RC3H1: variants seen among roughly 807,000 people sequenced by gnomAD.
RC3H1 encodes the protein ring finger and CCCH-type domains 1, also known as roquin-1.
In RC3H1, 50 loss-of-function variants were observed where a neutral mutation model predicts 138.2. The ratio of observed to expected loss-of-function variants is 0.36; its 90% CI spans 0.29 to 0.46. The LOEUF (loss-of-function observed/expected upper bound fraction) is 0.46. RC3H1 is among the 20% of genes least tolerant of loss of function. The pLI is 1.00. For synonymous variants in RC3H1, 462 were observed against 489.1 expected (o/e 0.94, Z 0.73); for missense variants, 1,031 against 1,388.1 (o/e 0.74, Z 4.09).
intron 1 of RC3H1, among the ~76,000 whole-genome samples, chr1:173,995,960 T>C (rs1391817715): frequency 1.3e-5 from 2 of 152,144 alleles, no homozygotes; most frequent in Non-Finnish European, 2.9e-5. Flanking sequence ...ATCGATGCAA[T>C]TGAAAAAATT....
chr1:173,950,420 CAAAAAAAA>C (rs60259705), intron 14 of RC3H1, among the ~76,000 whole-genome samples: 58 of 63,660 alleles, frequency 9.1e-4, no homozygotes, highest in African/African-American at 3.7e-3. Context: ...TCATCTCTAC[CAAAAAAAA>C]AAAAAAAAAA....
In RC3H1 at chr1:173,961,811, G is replaced by C. The variant is rs143152120; in HGVS notation, c.2116C>G (p.Pro706Ala). Residue 706 changes from proline to alanine, a missense_variant, in exon 12 of 20, where the codon CCA becomes GCA. Physicochemically the swap from Pro to Ala is conservative, Grantham distance 27 (BLOSUM62 -1). Around this residue, in one of 7 missense-constraint regions of RC3H1, gnomAD observed 716 missense variants for 837.9 expected, o/e 0.85. Coordinates refer to ENST00000367696, the MANE Select transcript of RC3H1 (RefSeq NM_172071.4). ...TGTTGGTATCTTTCTCTGGATTCTGGTACATACGATGGTACTGCTGCAGGT... is the reference window on the plus strand; with the variant it reads ...TGTTGGTATCTTTCTCTGGATTCTGCTACATACGATGGTACTGCTGCAGGT... ...IPPAAVPSYVPESRERYQQIE... is the reference protein window; with the variant it reads ...IPPAAVPSYVAESRERYQQIE... 2 of 1,613,752 alleles carry C rather than the reference G, an allele frequency of 1.2e-6. No homozygotes were observed. The highest frequency in any genetic ancestry group is 3.3e-5 in the Admixed American group (2 of 60,014).
intron 1 of RC3H1, among the ~76,000 whole-genome samples, chr1:174,009,584 A>G (rs765861663): frequency 1.3e-5 from 2 of 152,196 alleles, no homozygotes; most frequent in Non-Finnish European, 2.9e-5. Context: ...CATGTCTGTA[A>G]TCCCGGCATT....
intron 18 of RC3H1, among the ~76,000 whole-genome samples, chr1:173,942,146 G>C (rs1247915187): frequency 6.6e-6 from 1 of 151,352 alleles, no homozygotes; most frequent in African/African-American, 2.4e-5. Flanking sequence ...GGAGGCTGAG[G>C]CAGAAGAATC....
At chr1:174,013,122 A>T (rs1661797683) in intron 1 of RC3H1, among the ~76,000 whole-genome samples, 1 of 152,154 alleles carries the variant, frequency 6.6e-6, no homozygotes. Context: ...ACATTTGAAA[A>T]TAATGGTTCT....
At chr1:173,989,875 C>T (rs374254336) in intron 2 of RC3H1, among the ~76,000 whole-genome samples, 8 of 149,896 alleles carry the variant, frequency 5.3e-5, no homozygotes, top group Admixed American at 2.0e-4. Context: ...TACAGGCGCC[C>T]GCCACCGCGC....
intron 1 of RC3H1, 127 bp downstream of exon 1, chr1:174,021,969 C>T: frequency 2.6e-6 from 1 of 377,740 alleles, no homozygotes; most frequent in Non-Finnish European, 4.7e-6. Context: ...GCCGGGCTGC[C>T]GCTGCCGCGG....
At position 173,970,355 on chromosome 1, in the gene RC3H1, G is replaced by A. The variant is rs1031894351; in HGVS notation, c.1334+150C>T. The A allele has an allele frequency of 2.1e-5, 12 of 562,528 alleles. No individual in the cohort carries two copies. In the Admixed American group the frequency reaches 4.4e-4, roughly 21 times the overall value. The allele number at this position is 562,528 out of a possible 1,614,324, so 34.8% of individuals were successfully genotyped here. A position where few individuals can be genotyped will look rare whatever the true frequency, so the allele number is the denominator to read the frequency against. Reference sequence around the variant, plus strand: ...CATTTTTGGATTTTGAAGCATTTCAGATTTTCAGAATAGGAATGTTCAAGC... The same window carrying A: ...CATTTTTGGATTTTGAAGCATTTCAAATTTTCAGAATAGGAATGTTCAAGC... On this transcript the variant is annotated intron_variant, in intron 9 of 19. Coordinates refer to ENST00000367696, the MANE Select transcript of RC3H1 (RefSeq NM_172071.4).
intron 1 of RC3H1, chr1:174,015,841 C>T (rs1168482961): frequency 1.3e-5 from 2 of 152,020 alleles, no homozygotes; most frequent in Non-Finnish European, 2.9e-5. Flanking sequence ...ATGGATATAG[C>T]TCTAAACATC....
chr1:173,955,252 C>T (rs1659585115), intron 13 of RC3H1, among the ~76,000 whole-genome samples: 1 of 130,378 alleles, frequency 7.7e-6, no homozygotes, highest in African/African-American at 4.0e-5. Flanking sequence ...AAAGAGAAAC[C>T]ACAATCTTCA....
At chr1:173,986,584 A>C (rs1661042538) in intron 2 of RC3H1, among the ~76,000 whole-genome samples, 2 of 151,674 alleles carry the variant, frequency 1.3e-5, no homozygotes, top group South Asian at 4.2e-4. Flanking sequence ...CAAAGTTGAG[A>C]CAAAGTCTCA....
chr1:173,962,724 T>C (rs1659935793), intron 11 of RC3H1, among the ~76,000 whole-genome samples: 1 of 152,212 alleles, frequency 6.6e-6, no homozygotes. Context: ...TCCACCAATA[T>C]GGCAGGCACC....
chr1:173,999,104 A>AAC (rs1422879891), intron 1 of RC3H1, among the ~76,000 whole-genome samples: 1 of 151,368 alleles, frequency 6.6e-6, no homozygotes. Flanking sequence ...TAAAAAAAAA[A>AAC]ACTGTTGGGC....
At chr1:173,956,683 AAAAG>A (rs1468110262) in intron 13 of RC3H1, among the ~76,000 whole-genome samples, 4 of 151,456 alleles carry the variant, frequency 2.6e-5, no homozygotes, top group African/African-American at 7.2e-5. Context: ...AAAAAAAAAA[AAAAG>A]AAAGAAAGAA....
At chr1:173,993,702 A>AT (rs1352193837) in intron 1 of RC3H1, among the ~76,000 whole-genome samples, 2 of 150,762 alleles carry the variant, frequency 1.3e-5, no homozygotes, top group Admixed American at 6.6e-5. Context: ...TAAATCTCTA[A>AT]TTTTTAAAAA....
chr1:173,975,257 A>G (rs1422355033), intron 7 of RC3H1, among the ~76,000 whole-genome samples: 3 of 151,992 alleles, frequency 2.0e-5, no homozygotes, highest in Non-Finnish European at 4.4e-5. Context: ...CACCACGCCC[A>G]GCTAGTTTTT....
chr1:173,981,438 T>A (rs1660813259), intron 5 of RC3H1, among the ~76,000 whole-genome samples: 1 of 152,250 alleles, frequency 6.6e-6, no homozygotes, highest in Admixed American at 6.5e-5. Flanking sequence ...TTTTGTATAG[T>A]CAATCTGTAT....
intron 13 of RC3H1, among the ~76,000 whole-genome samples, chr1:173,953,930 T>G (rs889990552): frequency 1.3e-5 from 2 of 151,946 alleles, no homozygotes; most frequent in African/African-American, 4.8e-5. Context: ...TCCCAGCTAC[T>G]CGAGAGGTTG....
intron 13 of RC3H1, among the ~76,000 whole-genome samples, chr1:173,954,871 A>C (rs1659564443): frequency 6.6e-6 from 1 of 152,166 alleles, no homozygotes; most frequent in African/African-American, 2.4e-5. Flanking sequence ...GAAAGTATCT[A>C]GGATAGATTG....
Sources: gnomAD v4.1 joint callset for allele counts (sites outside exome capture counted in the v4.1 genomes callset) on GRCh38, gnomAD v4.1.1 for gene constraint, gnomAD v4.1.1 regional missense constraint, MANE v1.5 for transcripts, NCBI Gene and HGNC (gene_info 2026-07-23, HGNC 2026-07-21) for gene names.